SIRT2: variants seen among roughly 807,000 people sequenced by gnomAD.
The protein encoded by SIRT2 is NAD-dependent protein deacetylase sirtuin-2.
Under a neutral mutation model 57.4 loss-of-function variants are expected in SIRT2, and 40 were observed. The observed-to-expected ratio is 0.70, with a 90% CI of 0.54 to 0.91. The LOEUF (loss-of-function observed/expected upper bound fraction) is 0.91. Among genes scored for constraint, SIRT2 ranks in the 40% least tolerant of loss-of-function variants. The pLI is 0.00. For synonymous variants in SIRT2, 161 were observed against 195.7 expected, an observed-to-expected ratio of 0.82 and a Z score of 1.48; for missense variants, 439 against 510.4, an observed-to-expected ratio of 0.86 and a Z score of 1.35.
At chr19:38,896,890 G>A (rs1265641322) in intron 2 of SIRT2, among the ~76,000 whole-genome samples, 1 of 152,204 alleles carries the variant, frequency 6.6e-6, no homozygotes, top group African/African-American at 2.4e-5. Flanking sequence ...TGTACACAGT[G>A]AGGCTGTGTG....
At chr19:38,896,963 G>A (rs1029350272) in intron 2 of SIRT2, among the ~76,000 whole-genome samples, 1 of 152,154 alleles carries the variant, frequency 6.6e-6, no homozygotes, top group Admixed American at 6.6e-5. Flanking sequence ...GTGCTGACGG[G>A]GGCCTTCAAG....
intron 8 of SIRT2, among the ~76,000 whole-genome samples, chr19:38,887,970 G>T (rs1390569198): frequency 6.6e-6 from 1 of 152,008 alleles, no homozygotes; most frequent in Non-Finnish European, 1.5e-5. Context: ...TGGACAGGCT[G>T]GTCTTGAACT....
Position 38,879,023 on chromosome 19 carries a change from G to A in SIRT2, c.*132C>T, listed in dbSNP as rs1373414480. 2.0e-6 allele frequency: 2 copies of A among 978,464 alleles called. No individual in the cohort carries two copies. The highest frequency in any genetic ancestry group is 3.3e-5 in the African/African-American group (2 of 60,052). The allele number at this position is 978,464 out of a possible 1,614,324, so 60.6% of individuals were successfully genotyped here. A position where few individuals can be genotyped will look rare whatever the true frequency, so the allele number is the denominator to read the frequency against. On this transcript the variant is annotated 3_prime_UTR_variant, in exon 16 of 16. Coordinates refer to ENST00000249396, the MANE Select transcript of SIRT2 (RefSeq NM_012237.4). Reference sequence around the variant, plus strand: ...AGGGTTGCTGGGACCCCAGTTTTGGGGAGGGAGCTGTAAGAGATTGGGGGA... The same window carrying A: ...AGGGTTGCTGGGACCCCAGTTTTGGAGAGGGAGCTGTAAGAGATTGGGGGA...
intron 4 of SIRT2, among the ~76,000 whole-genome samples, chr19:38,892,661 A>T (rs1377257430): frequency 6.6e-6 from 1 of 151,834 alleles, no homozygotes; most frequent in Non-Finnish European, 1.5e-5. Flanking sequence ...GCAGCCTCCA[A>T]TTCCTGGGCT....
At chr19:38,889,254 C>A in intron 7 of SIRT2, 99 bp from the exon 8 acceptor site, 1 of 1,131,138 alleles carries the variant, frequency 8.8e-7, no homozygotes, top group South Asian at 1.2e-5. Flanking sequence ...ACTGTTTTAC[C>A]CCCAGGGAAC....
At chr19:38,883,183 C>T (rs944692813) in intron 9 of SIRT2, among the ~76,000 whole-genome samples, 14 of 149,542 alleles carry the variant, frequency 9.4e-5, no homozygotes, top group East Asian at 2.0e-4. Context: ...CAGGTTCAAG[C>T]GATTCTCCTG....
At chr19:38,885,288 G>A (rs924082992) in intron 8 of SIRT2, among the ~76,000 whole-genome samples, 2 of 151,510 alleles carry the variant, frequency 1.3e-5, no homozygotes, top group African/African-American at 4.9e-5. Context: ...TAGAGATGGG[G>A]GGTGGGGTGG....
chr19:38,890,207 C>T, intron 4 of SIRT2, 63 bp from the exon 5 acceptor site: 2 of 1,540,908 alleles, frequency 1.3e-6, no homozygotes, highest in Non-Finnish European at 9.0e-7. Flanking sequence ...ATAGCACCAC[C>T]CATCACAGCC....
rs577849867 is a variant in SIRT2 at position 38,890,580 on chromosome 19, C to T, written c.227-436G>A. The T allele has an allele frequency of 2.7e-5, 5 of 186,998 alleles. No individual in the cohort carries two copies. The South Asian group carries it at 4.9e-4, about 18-fold the overall frequency. The allele number at this position is 186,998 out of a possible 1,614,324, so 11.6% of individuals were successfully genotyped here. A position where few individuals can be genotyped will look rare whatever the true frequency, so the allele number is the denominator to read the frequency against. The stretch of plus-strand genomic sequence containing the variant: ...TGGCACGTGCCTGTAATCTCAGCTA[C>T]TTGGGAGGCTGAGGCAGGAGAATCA... On this transcript the variant is annotated intron_variant, in intron 4 of 15. Coordinates refer to ENST00000249396, the MANE Select transcript of SIRT2 (RefSeq NM_012237.4).
In SIRT2 at chr19:38,879,011, C is replaced by G; in HGVS notation, c.*144G>C. 3 of 852,854 alleles carry G rather than the reference C, an allele frequency of 3.5e-6. No individual in the cohort carries two copies. The highest frequency in any genetic ancestry group is 5.2e-6 in the Non-Finnish European group (3 of 577,012). The allele number at this position is 852,854 out of a possible 1,614,324, so 52.8% of individuals were successfully genotyped here. On this transcript the variant is annotated 3_prime_UTR_variant, in exon 16 of 16. Transcript: ENST00000249396. Reference sequence around the variant, plus strand: ...GGGTTGGGGGCCAGGGTTGCTGGGACCCCAGTTTTGGGGAGGGAGCTGTAA... The same window carrying G: ...GGGTTGGGGGCCAGGGTTGCTGGGAGCCCAGTTTTGGGGAGGGAGCTGTAA...
intron 2 of SIRT2, among the ~76,000 whole-genome samples, chr19:38,896,008 G>T (rs762375146): frequency 4.6e-5 from 7 of 152,060 alleles, no homozygotes; most frequent in Non-Finnish European, 1.0e-4. Context: ...GGAGGTGGAG[G>T]TTGCAGTCAG....
In SIRT2 at chr19:38,886,667, G is replaced by A. The variant is rs1278082929; in HGVS notation, c.501+2420C>T. On this transcript the variant is annotated intron_variant, in intron 8 of 15. Coordinates refer to ENST00000249396, the MANE Select transcript of SIRT2 (RefSeq NM_012237.4). ...GATGGAGTCTTGCTCTGTTGCCCAGGTTGGAGTGCAATGGCGGAATCTTGG... is the reference window on the plus strand; with the variant it reads ...GATGGAGTCTTGCTCTGTTGCCCAGATTGGAGTGCAATGGCGGAATCTTGG... Among the ~76,000 whole-genome samples the A allele has an allele frequency of 2.7e-4, 40 of 150,012 alleles. 1 individual carries two copies. The highest frequency in any genetic ancestry group is 4.4e-4 in the Non-Finnish European group (30 of 67,684).
Position 38,880,440 on chromosome 19 carries a change from C to T in SIRT2, c.876+245G>A. The T allele has an allele frequency of 2.2e-6, 1 of 450,884 alleles. No individual in the cohort carries two copies. The highest frequency in any genetic ancestry group is 3.9e-6 in the Non-Finnish European group (1 of 255,642). 27.9% of individuals were successfully genotyped at this position (450,884 alleles called of 1,614,324 possible). ...ACCCCTGCACCCCCTCCCACCTCCT[C>T]AGTCCCTGGAAGCCCGGCCTTCCTA... is the stretch of plus-strand genomic sequence containing the variant. On this transcript the variant is annotated intron_variant, in intron 13 of 15. Coordinates refer to ENST00000249396, the MANE Select transcript of SIRT2 (RefSeq NM_012237.4). This position sits in a 1 kb window ranked among gnomAD's most constrained non-coding sequence, Gnocchi z 4.1.
chr19:38,899,438 C>T (rs1480352832), intron 1 of SIRT2, 68 bp downstream of exon 1: 2 of 1,591,272 alleles, frequency 1.3e-6, no homozygotes, highest in Non-Finnish European at 1.7e-6. Flanking sequence ...ACCCTTGGGC[C>T]CCGGGGCCTG....
chr19:38,882,303 CT>C (rs1973179294), intron 9 of SIRT2, among the ~76,000 whole-genome samples: 1 of 152,124 alleles, frequency 6.6e-6, no homozygotes, highest in African/African-American at 2.4e-5. Context: ...GCATGAGCCA[CT>C]GTGCCTGGCC....
In SIRT2 at chr19:38,880,393, GC is replaced by G; in HGVS notation, c.876+291del. 3.3e-6 allele frequency: 1 copy of G among 300,292 alleles called. No individual in the cohort carries two copies. The highest frequency in any genetic ancestry group is 2.2e-5 in the African/African-American group (1 of 44,920). 18.6% of individuals were successfully genotyped at this position (300,292 alleles called of 1,614,324 possible). On this transcript the variant is annotated intron_variant, in intron 13 of 15. Transcript: ENST00000249396. This position sits in a 1 kb window ranked among gnomAD's most constrained non-coding sequence, Gnocchi z 4.1. ...AGACCCAGAGCGTGGACCCAACCCCGCCCCCCGCACTGTCTCTCCTGACCCC... is the reference window on the plus strand; with the variant it reads ...AGACCCAGAGCGTGGACCCAACCCCGCCCCCGCACTGTCTCTCCTGACCCC...
intron 2 of SIRT2, among the ~76,000 whole-genome samples, chr19:38,896,150 T>C (rs532640484): frequency 6.6e-6 from 1 of 152,218 alleles, no homozygotes; most frequent in East Asian, 1.9e-4. Context: ...GGACAACCTC[T>C]GCAAAAACCT....
chr19:38,879,307 C>G lies in SIRT2; in HGVS notation c.1018G>C (p.Glu340Gln). 1 of 1,613,502 alleles carries G rather than the reference C, an allele frequency of 6.2e-7. No homozygotes were observed. Among genetic ancestry groups the G allele is most frequent in the South Asian group, 1.1e-5 (1 of 91,084 alleles). ...ALAELLGWKK[E>Q]LEDLVRREHA... ...TCCCTCCGGACAAGGTCCTCCAGCT[C>G]CTTCTGCAGGAGCAAAGGTCACAGA... The change falls in exon 16 of 16, where the codon GAG becomes CAG. Residue 340 changes from glutamate to glutamine, a missense_variant. Glu to Gln is a conservative substitution (Grantham distance 29). Transcript: ENST00000249396.
intron 2 of SIRT2, 25 bp downstream of exon 2, chr19:38,898,354 C>T: frequency 2.8e-6 from 4 of 1,448,714 alleles, no homozygotes; most frequent in Non-Finnish European, 3.7e-6. Context: ...CTCTCTCCTC[C>T]CCTCCACCCT....
Sources: allele counts gnomAD v4.1 joint callset (sites outside exome capture counted in the v4.1 genomes callset), GRCh38; gene constraint gnomAD v4.1.1; non-coding constraint Gnocchi (gnomAD v3.1); transcripts MANE v1.5; gene names NCBI Gene and HGNC (gene_info 2026-07-23, HGNC 2026-07-21).